The following OTULIN variants were observed in gnomAD, a reference collection of about 807,000 sequenced individuals.
OTULIN encodes the protein ubiquitin thioesterase otulin.
In OTULIN, 15 loss-of-function variants were observed where a neutral mutation model predicts 39.6. The ratio of observed to expected loss-of-function variants is 0.38; its 90% confidence interval spans 0.25 to 0.58. The LOEUF is 0.58. Ranked by LOEUF, OTULIN falls within the 20% of genes least tolerant of loss-of-function variation. OTULIN has a pLI of 0.66. For missense variants in OTULIN, 319 were observed against 445.9 expected (o/e 0.72, Z 2.56); for synonymous variants, 156 against 170.3 (o/e 0.92, Z 0.65).
intron 4 of OTULIN, among the ~76,000 whole-genome samples, chr5:14,686,688 T>C (rs1736396284): frequency 6.6e-6 from 1 of 152,186 alleles, no homozygotes; most frequent in African/African-American, 2.4e-5. Flanking sequence ...CTAGGATTTT[T>C]CTCCTGACAC....
In OTULIN at chr5:14,695,704, A is replaced by G. The variant is rs1293991981; in HGVS notation, c.*2656A>G. Reference sequence around the variant, plus strand: ...TACATCCTGAGCTCCTTCTGTATATACATCTGTTGATTTTATCCATCCACA... The same window carrying G: ...TACATCCTGAGCTCCTTCTGTATATGCATCTGTTGATTTTATCCATCCACA... On this transcript the variant is annotated 3_prime_UTR_variant, in exon 7 of 7. Coordinates refer to ENST00000284274, the MANE Select transcript of OTULIN (RefSeq NM_138348.6). 6.6e-6 allele frequency: 1 copy of G among 152,198 alleles called. No individual in the cohort carries two copies. Among genetic ancestry groups the G allele is most frequent in the Non-Finnish European group, 1.5e-5 (1 of 68,034 alleles). The allele number at this position is 152,198 out of a possible 1,614,324, so 9.4% of individuals were successfully genotyped here.
downstream of OTULIN, among the ~76,000 whole-genome samples, chr5:14,704,065 C>T (rs1446221709): frequency 2.0e-5 from 3 of 152,104 alleles, no homozygotes; most frequent in East Asian, 1.9e-4. Context: ...GGCGTGGTGG[C>T]TCACGCCTGT....
Position 14,678,784 on chromosome 5 carries a change from C to G in OTULIN, c.324+9C>G. 4 of 1,554,672 alleles carry G rather than the reference C, an allele frequency of 2.6e-6. No homozygotes were observed. The highest frequency in any genetic ancestry group is 3.5e-6 in the Non-Finnish European group (4 of 1,144,928). ...CAACGTGTATGAAAATGGTATGACA[C>G]AGAGGTGCACATATTTCAGGTCTTT... On this transcript the variant is annotated intron_variant, in intron 3 of 6. Transcript: ENST00000284274.
At chr5:14,712,918 A>T in the OTULIN span, 1 of 1,613,382 alleles carries the variant, frequency 6.2e-7, no homozygotes, top group Non-Finnish European at 8.5e-7. Context: ...ACCATGGTGG[A>T]TTCTCCCACA....
the OTULIN span, chr5:14,713,116 G>T: frequency 3.7e-6 from 3 of 820,342 alleles, no homozygotes; most frequent in African/African-American, 1.7e-5. This position sits in a 1 kb window ranked among gnomAD's most constrained non-coding sequence, Gnocchi z 4.4. Context: ...CGTAAGGGCC[G>T]CAGCTAATAA....
At position 14,678,666 on chromosome 5, in the gene OTULIN, T is replaced by TTA; in HGVS notation, c.230-15_230-14insTA. 2 of 1,507,918 alleles carry TTA rather than the reference T, an allele frequency of 1.3e-6. No individual in the cohort carries two copies. Among genetic ancestry groups the TTA allele is most frequent in the Non-Finnish European group, 8.9e-7 (1 of 1,117,418 alleles). The allele number at this position is 1,507,918 out of a possible 1,614,324, so 93.4% of individuals were successfully genotyped here. A position where few individuals can be genotyped will look rare whatever the true frequency, so the allele number is the denominator to read the frequency against. On this transcript the variant is annotated splice_polypyrimidine_tract_variant and intron_variant, in intron 2 of 6. Transcript: ENST00000284274. Reference sequence around the variant, plus strand: ...ATTTATTATTTGCTTTTTTTTTTTTTAAATTCTTTAACAGAACCGAGATTA... The same window carrying TTA: ...ATTTATTATTTGCTTTTTTTTTTTTTTAAAATTCTTTAACAGAACCGAGATTA...
chr5:14,687,709 G>GA, intron 5 of OTULIN, 63 bp downstream of exon 5: 2 of 1,505,040 alleles, frequency 1.3e-6, no homozygotes, highest in Non-Finnish European at 1.8e-6. Context: ...TGCCCCAGAA[G>GA]ACCAGTTTTT....
chr5:14,708,297 G>A, the OTULIN span: 2 of 152,246 alleles, frequency 1.3e-5, no homozygotes, highest in South Asian at 4.2e-4. Context: ...CTACTTCATG[G>A]CCTTGTATTT....
chr5:14,692,742 ACGTT>A, intron 6 of OTULIN, 108 bp from the exon 7 acceptor site: 1 of 830,206 alleles, frequency 1.2e-6, no homozygotes, highest in Non-Finnish European at 1.9e-6. Context: ...GGAGGAAAAA[ACGTT>A]GTGGCTTCAC....
At chr5:14,713,695 G>A in the OTULIN span, 2 of 1,612,254 alleles carry the variant, frequency 1.2e-6, no homozygotes, top group East Asian at 4.5e-5. The surrounding 1 kb of genome is among the most constrained non-coding windows in gnomAD (Gnocchi z 4.4). Context: ...GGACTCGTCA[G>A]CCGTGCCCGC....
chr5:14,687,441 G>A (rs1018147706), intron 4 of OTULIN, 80 bp from the exon 5 acceptor site: 7 of 1,489,444 alleles, frequency 4.7e-6, no homozygotes, highest in Non-Finnish European at 6.3e-6. Flanking sequence ...TAGACTTTGT[G>A]GTTTCTTACA....
At chr5:14,669,729 C>T (rs1002363798) in intron 1 of OTULIN, among the ~76,000 whole-genome samples, 6 of 152,128 alleles carry the variant, frequency 3.9e-5, no homozygotes, top group African/African-American at 7.2e-5. Context: ...TGTGGTTGCA[C>T]GGCTGTAGTC....
chr5:14,688,898 C>T (rs1736453351), intron 5 of OTULIN, among the ~76,000 whole-genome samples: 1 of 152,082 alleles, frequency 6.6e-6, no homozygotes, highest in African/African-American at 2.4e-5. Context: ...TTAGGTTTTT[C>T]TACTATAATT....
chr5:14,691,622 ATTTTCAGTTTC>A (rs1736530247), intron 6 of OTULIN, among the ~76,000 whole-genome samples: 1 of 151,110 alleles, frequency 6.6e-6, no homozygotes, highest in African/African-American at 2.4e-5. Context: ...TCAATAAGAA[ATTTTCAGTTTC>A]TTTTTTGAAA....
In OTULIN at chr5:14,696,706, C is replaced by G. The variant is rs182613420; in HGVS notation, c.*3658C>G. 1.3e-5 allele frequency: 2 copies of G among 152,028 alleles called. No homozygotes were observed. The highest frequency in any genetic ancestry group is 6.5e-5 in the Admixed American group (1 of 15,294). 9.4% of individuals were successfully genotyped at this position (152,028 alleles called of 1,614,324 possible). On this transcript the variant is annotated 3_prime_UTR_variant, in exon 7 of 7. Transcript: ENST00000284274. Reference sequence around the variant, plus strand: ...AAATCTGAATGAATGGAAGGCCTTACGTGTATACAGTTTACAAATTCCTAT... The same window carrying G: ...AAATCTGAATGAATGGAAGGCCTTAGGTGTATACAGTTTACAAATTCCTAT...
chr5:14,690,204 C>T lies in OTULIN; in HGVS notation c.760C>T (p.Pro254Ser). The change falls in exon 6 of 7, where the codon CCA (proline) becomes TCA (serine). Residue 254 changes from proline to serine, a missense_variant. By Grantham distance (74) the Pro-to-Ser change is moderately conservative. Transcript: ENST00000284274. This position sits in a 1 kb window ranked among gnomAD's most constrained non-coding sequence, Gnocchi z 4.5. ...TGATAAAGAGAAAGGAAAGGAAGTA[C>T]CATTTTTCTCTGTGCTTCTGTTTGC... ...YNDKEKGKEV[P>S]FFSVLLFARD... is the part of the protein sequence containing the mutation. The T allele has an allele frequency of 6.2e-7, 1 of 1,614,096 alleles. No homozygotes were observed. Among genetic ancestry groups the T allele is most frequent in the Non-Finnish European group, 8.5e-7 (1 of 1,180,020 alleles).
chr5:14,711,143 G>A, the OTULIN span: 2 of 1,408,652 alleles, frequency 1.4e-6, no homozygotes, highest in Admixed American at 3.3e-5. Flanking sequence ...AAGAGATGAT[G>A]CCGAAGTGTC....
At chr5:14,711,720 G>A in the OTULIN span, among the ~76,000 whole-genome samples, 65 of 152,280 alleles carry the variant, frequency 4.3e-4, no homozygotes, top group African/African-American at 1.5e-3. Flanking sequence ...TACAGCATCC[G>A]TCAGTCACCT....
chr5:14,682,964 T>C (rs1031550727), intron 4 of OTULIN, among the ~76,000 whole-genome samples: 5 of 152,154 alleles, frequency 3.3e-5, no homozygotes, highest in Non-Finnish European at 7.4e-5. Flanking sequence ...AGAAGACTTT[T>C]AGAGGAACTT....
Sources: gnomAD v4.1 joint callset for allele counts (sites outside exome capture counted in the v4.1 genomes callset) on GRCh38, gnomAD v4.1.1 for gene constraint, Gnocchi (gnomAD v3.1) non-coding constraint, MANE v1.5 for transcripts, NCBI Gene and HGNC (gene_info 2026-07-23, HGNC 2026-07-21) for gene names.